The following SCOC variants were observed in gnomAD, a reference collection of about 807,000 sequenced individuals.
SCOC encodes short coiled coil protein.
SCOC carries 7 observed loss-of-function variants against 9.9 expected under a neutral mutation model. The ratio of observed to expected loss-of-function variants is 0.71; its 90% CI spans 0.40 to 1.33. SCOC has a LOEUF of 1.33. Among genes scored for constraint, SCOC ranks in the 40% most tolerant of loss-of-function variants. SCOC has a pLI of 0.01. For missense variants in SCOC, 66 were observed against 89.7 expected (o/e 0.74, Z 1.07); for synonymous variants, 19 against 28.2 (o/e 0.67, Z 1.03).
intron 2 of SCOC, chr4:140,366,663 G>A: frequency 3.7e-6 from 6 of 1,600,712 alleles, no homozygotes; most frequent in Non-Finnish European, 2.6e-6. Context: ...GGTGGGCTCT[G>A]TGTGGAAACT....
Position 140,381,243 on chromosome 4 carries a change from C to G in SCOC, c.*139C>G. The G allele has an allele frequency of 1.3e-6, 1 of 767,636 alleles. No homozygotes were observed. Among genetic ancestry groups the G allele is most frequent in the South Asian group, 2.2e-5 (1 of 45,660 alleles). The allele number at this position is 767,636 out of a possible 1,614,324, so 47.6% of individuals were successfully genotyped here. Reference sequence around the variant, plus strand: ...TAATGTCAGATGTAGACAAAAATAACACAATAACAGGAGACTTCCATAAGT... The same window carrying G: ...TAATGTCAGATGTAGACAAAAATAAGACAATAACAGGAGACTTCCATAAGT... On this transcript the variant is annotated 3_prime_UTR_variant, in exon 4 of 4. Coordinates refer to ENST00000608372, the MANE Select transcript of SCOC (RefSeq NM_001153484.2).
intron 1 of SCOC, among the ~76,000 whole-genome samples, chr4:140,288,759 C>G (rs547019381): frequency 6.6e-5 from 10 of 152,100 alleles, no homozygotes; most frequent in African/African-American, 2.2e-4. Flanking sequence ...CACACATCAC[C>G]CTCATGCACA....
intron 1 of SCOC, among the ~76,000 whole-genome samples, chr4:140,316,958 C>G (rs1423920893): frequency 2.0e-5 from 3 of 152,104 alleles, no homozygotes; most frequent in Non-Finnish European, 2.9e-5. Context: ...ATTGTCGGAG[C>G]CTCCCCTCCC....
intron 2 of SCOC, among the ~76,000 whole-genome samples, chr4:140,352,804 T>C (rs1178870150): frequency 6.6e-6 from 1 of 152,192 alleles, no homozygotes; most frequent in South Asian, 2.1e-4. Flanking sequence ...TTCTACGTCA[T>C]TAGAATAAGC....
intron 1 of SCOC, among the ~76,000 whole-genome samples, chr4:140,258,899 G>A (rs556345828): frequency 6.6e-6 from 1 of 152,256 alleles, no homozygotes; most frequent in Non-Finnish European, 1.5e-5. Flanking sequence ...ATGGCTTCTT[G>A]CTGGCTACAC....
At chr4:140,362,801 G>A (rs4956365) in intron 2 of SCOC, 145,723 of 152,246 alleles carry the variant, frequency 0.96, 69,800 homozygotes, top group East Asian at 0.99. Flanking sequence ...GACATTTTGT[G>A]GTATTTCCCT....
At chr4:140,283,182 A>G (rs1183021288) in intron 1 of SCOC, among the ~76,000 whole-genome samples, 3 of 152,226 alleles carry the variant, frequency 2.0e-5, no homozygotes, top group Admixed American at 6.5e-5. Context: ...AATATTTAAC[A>G]TGAAAAAAAT....
At chr4:140,273,831 T>G (rs1184230203) in intron 1 of SCOC, among the ~76,000 whole-genome samples, 1 of 152,196 alleles carries the variant, frequency 6.6e-6, no homozygotes, top group Non-Finnish European at 1.5e-5. Flanking sequence ...GATAATGTCT[T>G]CCAATTCTGC....
At chr4:140,330,459 G>A (rs1206141755) in intron 1 of SCOC, among the ~76,000 whole-genome samples, 4 of 152,114 alleles carry the variant, frequency 2.6e-5, no homozygotes, top group Non-Finnish European at 5.9e-5. Context: ...AAATGCTGAA[G>A]CTTTTTGTTA....
At chr4:140,371,951 T>C (rs1421104375), upstream of SCOC, among the ~76,000 whole-genome samples, 1 of 152,262 alleles carries the variant, frequency 6.6e-6, no homozygotes, top group East Asian at 1.9e-4. Flanking sequence ...AAGGAAGTTC[T>C]GCAATATGCT....
At chr4:140,364,679 A>G (rs1727713556) in intron 2 of SCOC, among the ~76,000 whole-genome samples, 1 of 152,202 alleles carries the variant, frequency 6.6e-6, no homozygotes, top group Admixed American at 6.5e-5. Context: ...CTGTACAACA[A>G]GAAGGCCCAG....
chr4:140,296,855 C>A (rs879819154), intron 1 of SCOC, among the ~76,000 whole-genome samples: 2 of 152,186 alleles, frequency 1.3e-5, no homozygotes, highest in Non-Finnish European at 2.9e-5. Flanking sequence ...CAGTATCTTT[C>A]TGTGGCTGCT....
intron 1 of SCOC, among the ~76,000 whole-genome samples, chr4:140,268,818 G>A (rs1730783003): frequency 6.6e-6 from 1 of 152,172 alleles, no homozygotes; most frequent in African/African-American, 2.4e-5. Flanking sequence ...CTGTATCCCA[G>A]GCATTGTAGA....
intron 1 of SCOC, among the ~76,000 whole-genome samples, chr4:140,299,558 A>C (rs1340445651): frequency 6.6e-6 from 1 of 152,248 alleles, no homozygotes; most frequent in Non-Finnish European, 1.5e-5. Context: ...CTGTGATTCA[A>C]CTGGAGATAT....
chr4:140,339,430 T>G (rs1346708221), upstream of SCOC, among the ~76,000 whole-genome samples: 1 of 152,072 alleles, frequency 6.6e-6, no homozygotes, highest in African/African-American at 2.4e-5. Flanking sequence ...CAATGGCAAC[T>G]AAAGCCAAAA....
At chr4:140,278,486 A>C (rs1458260051) in intron 1 of SCOC, among the ~76,000 whole-genome samples, 1 of 152,016 alleles carries the variant, frequency 6.6e-6, no homozygotes, top group Admixed American at 6.5e-5. Flanking sequence ...TTTTTAGTAG[A>C]GATGGGGTTT....
intron 2 of SCOC, among the ~76,000 whole-genome samples, chr4:140,352,491 G>A (rs912248995): frequency 6.6e-6 from 1 of 152,170 alleles, no homozygotes; most frequent in African/African-American, 2.4e-5. Flanking sequence ...GATTAACTCT[G>A]CTTCTCAGCA....
chr4:140,340,607 C>T (rs1560708821), upstream of SCOC, among the ~76,000 whole-genome samples: 2 of 151,776 alleles, frequency 1.3e-5, no homozygotes, highest in Non-Finnish European at 2.9e-5. Flanking sequence ...CAAAAGAAAT[C>T]AATAGCCTAA....
At chr4:140,359,873 G>A (rs989888171) in intron 2 of SCOC, among the ~76,000 whole-genome samples, 1 of 152,144 alleles carries the variant, frequency 6.6e-6, no homozygotes, top group Non-Finnish European at 1.5e-5. Flanking sequence ...CAGCATACAT[G>A]CTCTTCCTCC....
Sources: gnomAD v4.1 joint callset for allele counts (sites outside exome capture counted in the v4.1 genomes callset) on GRCh38, gnomAD v4.1.1 for gene constraint, MANE v1.5 for transcripts, NCBI Gene and HGNC (gene_info 2026-07-23, HGNC 2026-07-21) for gene names.